RASSF5: variants seen among roughly 807,000 people sequenced by gnomAD.
RASSF5 encodes the protein ras association domain-containing protein 5.
In RASSF5, 25 loss-of-function variants were observed where a neutral mutation model predicts 40.5. The ratio of observed to expected loss-of-function variants is 0.62; its 90% confidence interval spans 0.45 to 0.86. The LOEUF (loss-of-function observed/expected upper bound fraction) is 0.86, where lower values mean the gene tolerates loss of function less well. Ranked by LOEUF, RASSF5 falls within the 40% of genes least tolerant of loss-of-function variation. The pLI, the probability that RASSF5 is intolerant of heterozygous loss-of-function variation, is 0.00. For missense variants in RASSF5, 521 were observed against 572.8 expected (o/e 0.91, Z 0.92); for synonymous variants, 246 against 252.4 (o/e 0.97, Z 0.24).
intron 1 of RASSF5, chr1:206,518,444 T>C (rs538761634): frequency 1.2e-4 from 46 of 398,650 alleles, no homozygotes; most frequent in African/African-American, 9.2e-4. Flanking sequence ...CAGTCACTGC[T>C]CAGCTCCAGC....
chr1:206,557,566 C>T, intron 2 of RASSF5: 7 of 1,613,802 alleles, frequency 4.3e-6, no homozygotes, highest in Non-Finnish European at 5.9e-6. Context: ...CCGGGAACTC[C>T]GGGGTAGATG....
intron 1 of RASSF5, among the ~76,000 whole-genome samples, chr1:206,523,963 TATATA>T (rs1385489564): frequency 4.2e-5 from 5 of 118,128 alleles, no homozygotes; most frequent in African/African-American, 6.9e-5. Flanking sequence ...ATATATACCA[TATATA>T]ATATATTTTA....
intron 1 of RASSF5, among the ~76,000 whole-genome samples, chr1:206,537,443 G>A (rs1667444789): frequency 6.6e-6 from 1 of 152,198 alleles, no homozygotes; most frequent in Non-Finnish European, 1.5e-5. Context: ...GTCTCTGGAA[G>A]CACTTTTAAT....
chr1:206,507,536 G>C lies in RASSF5; in HGVS notation c.-67G>C, dbSNP rs946396537. On this transcript the variant is annotated 5_prime_UTR_variant, in exon 1 of 6. Coordinates refer to ENST00000579436, the MANE Select transcript of RASSF5 (RefSeq NM_182663.4). ...CTGGTGTGGGGCGGCCCCTTCTCTC[G>C]GGGCTGGCTCGGGAGTAGCGCAGTC... 9.4e-6 allele frequency: 12 copies of C among 1,272,834 alleles called. No individual in the cohort carries two copies. The South Asian group carries it at 9.9e-5, about 10-fold the overall frequency. 78.8% of individuals were successfully genotyped at this position (1,272,834 alleles called of 1,614,324 possible).
chr1:206,583,553 T>G, intron 3 of RASSF5, 174 bp downstream of exon 3: 5 of 596,068 alleles, frequency 8.4e-6, no homozygotes, highest in Non-Finnish European at 1.5e-5. Context: ...CTCAGTGGCC[T>G]CCATGTGCTT....
At chr1:206,537,857 T>C (rs1240952455) in intron 1 of RASSF5, among the ~76,000 whole-genome samples, 4 of 152,194 alleles carry the variant, frequency 2.6e-5, no homozygotes, top group African/African-American at 9.7e-5. Flanking sequence ...GAGGCAGAAG[T>C]TCTGACCTTG....
In RASSF5 at chr1:206,585,013, A is replaced by C. The variant is rs1669052834; in HGVS notation, c.989-167A>C. 1.7e-5 allele frequency: 11 copies of C among 642,056 alleles called. No homozygotes were observed. In the East Asian group the frequency reaches 2.9e-4, roughly 17 times the overall value. The allele number at this position is 642,056 out of a possible 1,614,324, so 39.8% of individuals were successfully genotyped here. A position where few individuals can be genotyped will look rare whatever the true frequency, so the allele number is the denominator to read the frequency against. On this transcript the variant is annotated intron_variant, in intron 4 of 5. Transcript: ENST00000579436. Reference sequence around the variant, plus strand: ...TAAACTCTGAGCAGACACCCAAGATAAAAGGTTATTGCCCTGTTCATTACT... The same window carrying C: ...TAAACTCTGAGCAGACACCCAAGATCAAAGGTTATTGCCCTGTTCATTACT...
chr1:206,509,722 TTTTC>T (rs1218356617), intron 1 of RASSF5, among the ~76,000 whole-genome samples: 1 of 109,806 alleles, frequency 9.1e-6, no homozygotes, highest in African/African-American at 3.5e-5. Flanking sequence ...AGTTTTGTGA[TTTTC>T]TTTTTTTTTT....
rs372097340 is a variant in RASSF5 at position 206,552,540 on chromosome 1, A to C, written c.579+14247A>C. Among the ~76,000 whole-genome samples the C allele has an allele frequency of 3.9e-5, 6 of 152,278 alleles. 1 individual carries two copies. The highest frequency in any genetic ancestry group is 1.4e-4 in the African/African-American group (6 of 41,552). On this transcript the variant is annotated intron_variant, in intron 2 of 5. Coordinates refer to ENST00000579436, the MANE Select transcript of RASSF5 (RefSeq NM_182663.4). This position sits in a 1 kb window ranked among gnomAD's most constrained non-coding sequence, Gnocchi z 4.1. ...TGATTGCACCTGGAGATGGGTGTGA[A>C]CTGTTGGCTGGGTGTGCACCGTGAA...
At chr1:206,553,538 C>T (rs1054365475) in intron 2 of RASSF5, among the ~76,000 whole-genome samples, 3 of 152,196 alleles carry the variant, frequency 2.0e-5, no homozygotes, top group Admixed American at 1.3e-4. Flanking sequence ...TCAATCTTGA[C>T]CCTGTTAAGA....
chr1:206,565,258 A>C (rs4845109), intron 2 of RASSF5, among the ~76,000 whole-genome samples: 1 of 152,072 alleles, frequency 6.6e-6, no homozygotes, highest in Non-Finnish European at 1.5e-5. Context: ...TTGGCTGCTC[A>C]TAGCCTCTCA....
intron 2 of RASSF5, among the ~76,000 whole-genome samples, chr1:206,551,874 G>A (rs2103534184): frequency 6.6e-6 from 1 of 152,340 alleles, no homozygotes; most frequent in African/African-American, 2.4e-5. Context: ...TGACCATGCT[G>A]CCCGGGATGT....
In RASSF5 at chr1:206,584,404, C is replaced by T; in HGVS notation, c.708C>T (p.Tyr236=). 2.5e-6 allele frequency: 4 copies of T among 1,613,276 alleles called. No individual in the cohort carries two copies. Among genetic ancestry groups the T allele is most frequent in the Non-Finnish European group, 3.4e-6 (4 of 1,179,440 alleles). ...LGMKLSEDGT[Y]TGFIKVHLKL... is the part of the protein sequence containing the mutation. ...GCTGGCAGAGTGAAGACGGCACCTACACGGGTTTCATCAAAGTGCATCTGA... is the reference window on the plus strand; with the variant it reads ...GCTGGCAGAGTGAAGACGGCACCTATACGGGTTTCATCAAAGTGCATCTGA... The change falls in exon 4 of 6, where the codon TAC becomes TAT. Residue 236 remains tyrosine, a synonymous_variant. Coordinates refer to ENST00000579436, the MANE Select transcript of RASSF5 (RefSeq NM_182663.4). The surrounding 1 kb of genome is among the most constrained non-coding windows in gnomAD (Gnocchi z 4.9).
At chr1:206,527,440 T>G (rs782369741) in intron 1 of RASSF5, among the ~76,000 whole-genome samples, 17 of 152,152 alleles carry the variant, frequency 1.1e-4, no homozygotes, top group Admixed American at 7.2e-4. Flanking sequence ...GAAATTGTCC[T>G]GAGAGCTCAG....
At chr1:206,561,518 C>G (rs1185271593) in intron 2 of RASSF5, among the ~76,000 whole-genome samples, 1 of 152,080 alleles carries the variant, frequency 6.6e-6, no homozygotes, top group African/African-American at 2.4e-5. Flanking sequence ...CTTAAAAGTT[C>G]TTCTTGGTGT....
chr1:206,507,666 C>T lies in RASSF5; in HGVS notation c.64C>T (p.Pro22Ser), dbSNP rs782799787. ...CCCGCTACTATTGGACCCCGAGCCG[C>T]CGCGCTATCTACAGAGCCTGAGCGG... is the stretch of plus-strand genomic sequence containing the variant. Reference protein sequence around the residue: ...PYPLLLDPEPPRYLQSLSGPE... With the variant: ...PYPLLLDPEPSRYLQSLSGPE... Residue 22 changes from proline to serine, a missense_variant, in exon 1 of 6, where the codon CCG becomes TCG. Pro to Ser is a moderately conservative substitution (Grantham distance 74, BLOSUM62 -1). Coordinates refer to ENST00000579436, the MANE Select transcript of RASSF5 (RefSeq NM_182663.4). The T allele has an allele frequency of 1.6e-5, 25 of 1,526,732 alleles. No individual in the cohort carries two copies. The highest frequency in any genetic ancestry group is 1.8e-4 in the Middle Eastern group (1 of 5,566). 94.6% of individuals were successfully genotyped at this position (1,526,732 alleles called of 1,614,324 possible).
At chr1:206,526,650 G>A (rs1393519467) in intron 1 of RASSF5, among the ~76,000 whole-genome samples, 3 of 152,124 alleles carry the variant, frequency 2.0e-5, no homozygotes, top group African/African-American at 7.2e-5. Flanking sequence ...TCACCAACAT[G>A]ACCTATCCTT....
intron 2 of RASSF5, among the ~76,000 whole-genome samples, chr1:206,555,508 G>A (rs1002460515): frequency 1.4e-5 from 2 of 143,842 alleles, no homozygotes; most frequent in African/African-American, 5.0e-5. Context: ...CTCTCTGGGG[G>A]AAACCCCCCA....
At chr1:206,539,386 C>A (rs376467109) in intron 2 of RASSF5, among the ~76,000 whole-genome samples, 2 of 152,126 alleles carry the variant, frequency 1.3e-5, no homozygotes, top group African/African-American at 2.4e-5. Flanking sequence ...GGGAGACTCA[C>A]GAGCAGCCCC....
Sources: allele counts gnomAD v4.1 joint callset (sites outside exome capture counted in the v4.1 genomes callset), GRCh38; gene constraint gnomAD v4.1.1; non-coding constraint Gnocchi (gnomAD v3.1); transcripts MANE v1.5; gene names NCBI Gene and HGNC (gene_info 2026-07-23, HGNC 2026-07-21).